The following BAZ2B variants were observed in gnomAD, a reference collection of about 807,000 sequenced individuals.
BAZ2B encodes bromodomain adjacent to zinc finger domain protein 2B.
A neutral mutation model predicts 246.0 loss-of-function variants in BAZ2B; 91 were observed. The observed-to-expected ratio is 0.37, with a 90% CI of 0.31 to 0.44. The LOEUF (loss-of-function observed/expected upper bound fraction) is 0.44. BAZ2B is among the 20% of genes least tolerant of loss of function. The pLI is 1.00. For missense variants in BAZ2B, 2,332 were observed against 2,533.7 expected (o/e 0.92, Z 1.71); for synonymous variants, 855 against 860.0 (o/e 0.99, Z 0.10).
intron 2 of BAZ2B, among the ~76,000 whole-genome samples, chr2:159,546,367 A>T (rs1472500773): frequency 6.6e-6 from 1 of 150,746 alleles, no homozygotes; most frequent in Non-Finnish European, 1.5e-5. Flanking sequence ...GTGAGACGTG[A>T]CTCCTTCACC....
chr2:159,679,287 A>AC, the BAZ2B span, among the ~76,000 whole-genome samples: 17 of 139,972 alleles, frequency 1.2e-4, 2 homozygotes, highest in East Asian at 2.1e-4. Flanking sequence ...AAAAAAAAAA[A>AC]AAAAAAAGAT....
At chr2:159,479,458 A>T (rs1009992200) in intron 2 of BAZ2B, among the ~76,000 whole-genome samples, 2 of 152,234 alleles carry the variant, frequency 1.3e-5, no homozygotes, top group East Asian at 3.8e-4. Flanking sequence ...CACTGATCCC[A>T]CAATCAAGCA....
At chr2:159,467,541 G>C (rs1577387064) in intron 3 of BAZ2B, among the ~76,000 whole-genome samples, 1 of 152,134 alleles carries the variant, frequency 6.6e-6, no homozygotes, top group African/African-American at 2.4e-5. Flanking sequence ...ATTGACTTAT[G>C]TTGTGTCCAT....
At chr2:159,689,522 C>T in the BAZ2B span, 3 of 236,102 alleles carry the variant, frequency 1.3e-5, no homozygotes, top group African/African-American at 2.4e-5. Flanking sequence ...CAGGTGCACA[C>T]CACCACACCC....
At position 159,428,057 on chromosome 2, in the gene BAZ2B, T is replaced by C. The variant is rs1388571999; in HGVS notation, c.2365-15A>G. The C allele has an allele frequency of 2.5e-6, 4 of 1,604,238 alleles. No homozygotes were observed. Among genetic ancestry groups the C allele is most frequent in the South Asian group, 1.1e-5 (1 of 90,702 alleles). ...CTGCTGAGATACTGAAAAAATCACA[T>C]ATTTTTCCACTTCAGGTTTTAATAA... is the stretch of plus-strand genomic sequence containing the variant. On this transcript the variant is annotated splice_polypyrimidine_tract_variant and intron_variant, in intron 12 of 36. Transcript: ENST00000392783.
the BAZ2B span, among the ~76,000 whole-genome samples, chr2:159,644,959 T>C: frequency 2.6e-5 from 4 of 152,198 alleles, no homozygotes; most frequent in African/African-American, 7.2e-5. Flanking sequence ...ACCTATGCTA[T>C]ATTTTCAATA....
chr2:159,646,513 CA>C, the BAZ2B span, among the ~76,000 whole-genome samples: 2 of 151,930 alleles, frequency 1.3e-5, no homozygotes, highest in African/African-American at 4.8e-5. Flanking sequence ...TAAGAAATCA[CA>C]AGGGTATTAA....
Position 159,325,831 on chromosome 2 carries a change from T to C in BAZ2B, c.6031A>G (p.Thr2011Ala). The part of the protein sequence containing the change: ...ESKKGKKVTL[T>A]GDTEDEDSAS... ...GAGTCTTCATCTTCAGTATCTCCTG[T>C]TAAAGTTACCTTCTTGCCTTTCTTT... is the stretch of plus-strand genomic sequence containing the variant. Residue 2011 changes from threonine (T) to alanine (A), a missense_variant, in exon 35 of 37, where the codon ACA (threonine) becomes GCA (alanine). Coordinates refer to ENST00000392783, the MANE Select transcript of BAZ2B (RefSeq NM_013450.4). The C allele has an allele frequency of 6.2e-7, 1 of 1,609,934 alleles. No individual in the cohort carries two copies.
chr2:159,676,637 G>A, the BAZ2B span, among the ~76,000 whole-genome samples: 1 of 77,960 alleles, frequency 1.3e-5, no homozygotes, highest in Non-Finnish European at 2.9e-5. Context: ...TAACACAGTG[G>A]TATCTAAATG....
the BAZ2B span, among the ~76,000 whole-genome samples, chr2:159,653,466 CAAAGAA>C: frequency 0.86 from 129,861 of 151,772 alleles, 55,771 homozygotes; most frequent in Middle Eastern, 0.95. Flanking sequence ...TAGAATATAT[CAAAGAA>C]AAAGAGTTGG....
intron 19 of BAZ2B, chr2:159,396,320 C>T (rs1417457872): frequency 6.6e-6 from 1 of 152,164 alleles, no homozygotes; most frequent in African/African-American, 2.4e-5. Flanking sequence ...ATTTTCAGTA[C>T]AAAATCATTT....
the BAZ2B span, among the ~76,000 whole-genome samples, chr2:159,621,983 G>A: frequency 1.3e-5 from 2 of 152,248 alleles, no homozygotes; most frequent in South Asian, 4.1e-4. Context: ...GCACATGCCT[G>A]TAATCCCAGC....
chr2:159,578,570 C>G (rs1302019324), intron 1 of BAZ2B, among the ~76,000 whole-genome samples: 1 of 152,152 alleles, frequency 6.6e-6, no homozygotes, highest in Non-Finnish European at 1.5e-5. Context: ...CTGCACCAAG[C>G]AGACCTAATA....
chr2:159,483,907 T>C (rs1298081536), intron 2 of BAZ2B, among the ~76,000 whole-genome samples: 2 of 150,062 alleles, frequency 1.3e-5, no homozygotes, highest in Admixed American at 1.3e-4. Context: ...AAAAAAAAAA[T>C]GTTGTGAACC....
chr2:159,450,743 T>C (rs371890201), intron 4 of BAZ2B, among the ~76,000 whole-genome samples: 47,349 of 146,924 alleles, frequency 0.32, 8,614 homozygotes, highest in Non-Finnish European at 0.45. Context: ...ATTTAACTCT[T>C]TTTTTTTTTT....
At chr2:159,669,788 C>T in the BAZ2B span, among the ~76,000 whole-genome samples, 2 of 152,094 alleles carry the variant, frequency 1.3e-5, no homozygotes, top group African/African-American at 2.4e-5. Context: ...TAAGATAAAT[C>T]TCTTGTAGGA....
At chr2:159,677,309 TAA>T in the BAZ2B span, among the ~76,000 whole-genome samples, 6 of 152,018 alleles carry the variant, frequency 3.9e-5, no homozygotes, top group East Asian at 9.6e-4. Context: ...CTAAATTCTT[TAA>T]AAGACTGAAT....
At chr2:159,579,986 G>A (rs1686337907) in intron 1 of BAZ2B, among the ~76,000 whole-genome samples, 2 of 152,166 alleles carry the variant, frequency 1.3e-5, no homozygotes, top group African/African-American at 4.8e-5. Context: ...AAAACTGGAA[G>A]CATTCCCTTT....
upstream of BAZ2B, among the ~76,000 whole-genome samples, chr2:159,619,655 ATTC>A (rs1175884939): frequency 6.6e-6 from 1 of 151,650 alleles, no homozygotes; most frequent in Non-Finnish European, 1.5e-5. Flanking sequence ...TTTTAAACTG[ATTC>A]TTCTTAAAAA....
Sources: gnomAD v4.1 joint callset for allele counts (sites outside exome capture counted in the v4.1 genomes callset) on GRCh38, gnomAD v4.1.1 for gene constraint, MANE v1.5 for transcripts, NCBI Gene and HGNC (gene_info 2026-07-23, HGNC 2026-07-21) for gene names.